The following FGF12 variants were observed in gnomAD, a reference collection of about 807,000 sequenced individuals.
FGF12 encodes fibroblast growth factor 12B.
A neutral mutation model predicts 23.6 loss-of-function variants in FGF12; 14 were observed. The ratio of observed to expected loss-of-function variants is 0.59; its 90% CI spans 0.39 to 0.93. The LOEUF (loss-of-function observed/expected upper bound fraction) is 0.93. FGF12 is among the 40% of genes least tolerant of loss of function. FGF12 has a pLI of 0.00. For synonymous variants in FGF12, 62 were observed against 77.3 expected (o/e 0.80, Z 1.04); for missense variants, 175 against 217.8 (o/e 0.80, Z 1.24).
intron 2 of FGF12, among the ~76,000 whole-genome samples, chr3:192,499,593 G>A (rs537938798): frequency 5.7e-4 from 74 of 128,800 alleles, no homozygotes; most frequent in African/African-American, 2.0e-3. Flanking sequence ...GTGCAGTGGC[G>A]CAATCTTGGC....
At chr3:192,239,780 GA>G (rs1428924161) in intron 4 of FGF12, among the ~76,000 whole-genome samples, 1 of 152,224 alleles carries the variant, frequency 6.6e-6, no homozygotes, top group Non-Finnish European at 1.5e-5. Context: ...CTAGTCTGTG[GA>G]AAAATTGCGT....
At chr3:192,156,406 A>G (rs538559935) in intron 5 of FGF12, among the ~76,000 whole-genome samples, 1 of 152,340 alleles carries the variant, frequency 6.6e-6, no homozygotes, top group African/African-American at 2.4e-5. Flanking sequence ...TATTTTCAGC[A>G]GGTATGATGT....
intron 2 of FGF12, among the ~76,000 whole-genome samples, chr3:192,365,975 G>GT (rs1491308624): frequency 4.3e-5 from 3 of 70,184 alleles, no homozygotes; most frequent in Non-Finnish European, 6.7e-5. Context: ...AGCTTCAAAG[G>GT]TAAAAAAAAA....
intron 5 of FGF12, among the ~76,000 whole-genome samples, chr3:192,152,277 T>C (rs1406508464): frequency 4.3e-5 from 4 of 92,270 alleles, no homozygotes; most frequent in African/African-American, 1.3e-4. Context: ...CCTGGATTCA[T>C]TGATTTTTTG....
At position 192,707,999 on chromosome 3, in the gene FGF12, A is replaced by G. The variant is rs563390678; in HGVS notation, c.13+19182T>C. Among the ~76,000 whole-genome samples the G allele has an allele frequency of 2.4e-3, 360 of 152,110 alleles. 1 individual carries two copies. Among genetic ancestry groups the G allele is most frequent in the African/African-American group, 7.3e-3 (303 of 41,502 alleles). On this transcript the variant is annotated intron_variant, in intron 2 of 5. Coordinates refer to ENST00000445105, the MANE Select transcript of FGF12 (RefSeq NM_004113.6). ...TTTTGAGACGGAGTCTCGCTCTGTC[A>G]CCCAGGCTGGAGTGCTGTGGCGCGA...
At chr3:192,527,370 AACAG>A (rs1321372367) in intron 2 of FGF12, among the ~76,000 whole-genome samples, 3 of 152,250 alleles carry the variant, frequency 2.0e-5, no homozygotes, top group Non-Finnish European at 4.4e-5. Flanking sequence ...CTGGAAGACC[AACAG>A]ACAAAGACCT....
chr3:192,647,714 T>A (rs992280116), intron 2 of FGF12, among the ~76,000 whole-genome samples: 2 of 136,540 alleles, frequency 1.5e-5, no homozygotes, highest in Admixed American at 7.1e-5. Context: ...TATATATACA[T>A]ATATATATAC....
intron 4 of FGF12, among the ~76,000 whole-genome samples, chr3:192,206,291 C>A (rs1344411951): frequency 6.6e-6 from 1 of 152,154 alleles, no homozygotes; most frequent in Non-Finnish European, 1.5e-5. Context: ...AACAAAGGAT[C>A]ATAGATCATA....
chr3:192,164,158 G>C (rs1186448142), intron 5 of FGF12, among the ~76,000 whole-genome samples: 1 of 152,024 alleles, frequency 6.6e-6, no homozygotes, highest in Non-Finnish European at 1.5e-5. Context: ...TTGTCAAAGA[G>C]TATTTGACTG....
At chr3:192,588,170 C>A (rs1242881151) in intron 2 of FGF12, among the ~76,000 whole-genome samples, 2 of 150,650 alleles carry the variant, frequency 1.3e-5, no homozygotes, top group African/African-American at 4.9e-5. Flanking sequence ...ACGGTGAAAC[C>A]CCGTCTCTAC....
At chr3:192,394,432 C>T (rs1370181441) in intron 2 of FGF12, among the ~76,000 whole-genome samples, 2 of 152,086 alleles carry the variant, frequency 1.3e-5, no homozygotes, top group Non-Finnish European at 2.9e-5. Context: ...CCTTCTAGAA[C>T]TTCATATCAA....
chr3:192,446,398 C>T (rs971632048), intron 2 of FGF12, among the ~76,000 whole-genome samples: 1 of 152,238 alleles, frequency 6.6e-6, no homozygotes, highest in African/African-American at 2.4e-5. Flanking sequence ...TTTAGCTCAA[C>T]ACATCCGTTT....
At chr3:192,313,744 A>C (rs561152459) in intron 4 of FGF12, among the ~76,000 whole-genome samples, 2 of 152,292 alleles carry the variant, frequency 1.3e-5, no homozygotes, top group Non-Finnish European at 2.9e-5. Flanking sequence ...TAATGAAGAG[A>C]CTATGTATGC....
At chr3:192,339,033 G>T (rs566600802) in intron 3 of FGF12, among the ~76,000 whole-genome samples, 1 of 152,124 alleles carries the variant, frequency 6.6e-6, no homozygotes, top group East Asian at 1.9e-4. Context: ...TGCTAGGCAG[G>T]GACAAAAACA....
intron 4 of FGF12, among the ~76,000 whole-genome samples, chr3:192,329,408 T>C (rs77850377): frequency 0.011 from 1,723 of 152,312 alleles, 28 homozygotes; most frequent in East Asian, 0.051. Flanking sequence ...ACATGTATCA[T>C]TCTATCAAGT....
Position 192,336,859 on chromosome 3 carries a change from G to A in FGF12, c.125-1395C>T, listed in dbSNP as rs750875836. On this transcript the variant is annotated intron_variant, in intron 3 of 5. Coordinates refer to ENST00000445105, the MANE Select transcript of FGF12 (RefSeq NM_004113.6). The surrounding 1 kb of genome is among the most constrained non-coding windows in gnomAD (Gnocchi z 4.3). ...CAAATGTTCAATTGACAGTTGTAGA[G>A]GATCAAGTCTTAGACCACAAGTTTA... is the stretch of plus-strand genomic sequence containing the variant. Among the ~76,000 whole-genome samples, 4 of 152,076 alleles carry A rather than the reference G, an allele frequency of 2.6e-5. No individual in the cohort carries two copies. The highest frequency in any genetic ancestry group is 4.4e-5 in the Non-Finnish European group (3 of 68,016).
Position 192,411,018 on chromosome 3 carries a change from C to T in FGF12, c.14-50480G>A, listed in dbSNP as rs145455884. Among the ~76,000 whole-genome samples the T allele has an allele frequency of 2.5e-4, 38 of 152,144 alleles. No homozygotes were observed. In the East Asian group the frequency reaches 4.6e-3, roughly 19 times the overall value. Reference sequence around the variant, plus strand: ...ACTTCACGAAGCATCTAGGATAGTGCGAAAGGATTAAATGTATGATTTCCA... The same window carrying T: ...ACTTCACGAAGCATCTAGGATAGTGTGAAAGGATTAAATGTATGATTTCCA... On this transcript the variant is annotated intron_variant, in intron 2 of 5. Coordinates refer to ENST00000445105, the MANE Select transcript of FGF12 (RefSeq NM_004113.6).
At chr3:192,625,254 C>T (rs2108651050) in intron 2 of FGF12, among the ~76,000 whole-genome samples, 1 of 152,142 alleles carries the variant, frequency 6.6e-6, no homozygotes, top group South Asian at 2.1e-4. Flanking sequence ...CCAAATTGTC[C>T]TTGATAAATA....
In FGF12 at chr3:192,360,426, A is replaced by C; in HGVS notation, c.124+2T>G. 1 of 1,587,394 alleles carries C rather than the reference A, an allele frequency of 6.3e-7. No homozygotes were observed. The highest frequency in any genetic ancestry group is 8.7e-7 in the Non-Finnish European group (1 of 1,155,732). ...AGATTGTAAGAAGCTAATGTTTCTT[A>C]CTGTAGTCGCTGTTTTCGTCCTTGG... is the stretch of plus-strand genomic sequence containing the variant. On this transcript the variant is annotated splice_donor_variant, in intron 3 of 5. Transcript: ENST00000445105. LOFTEE classifies it high-confidence loss of function. The surrounding 1 kb of genome is among the most constrained non-coding windows in gnomAD (Gnocchi z 4.3).
Sources: allele counts gnomAD v4.1 joint callset (sites outside exome capture counted in the v4.1 genomes callset), GRCh38; gene constraint gnomAD v4.1.1; non-coding constraint Gnocchi (gnomAD v3.1); transcripts MANE v1.5; gene names NCBI Gene and HGNC (gene_info 2026-07-23, HGNC 2026-07-21).